ABCA12: variants seen among roughly 807,000 people sequenced by gnomAD.
The protein encoded by ABCA12 is glucosylceramide transporter ABCA12.
In ABCA12, 156 loss-of-function variants were observed where a neutral mutation model predicts 293.5. The ratio of observed to expected loss-of-function variants is 0.53; its 90% CI spans 0.47 to 0.61. The LOEUF is 0.61. Among genes scored for constraint, ABCA12 ranks in the 20% least tolerant of loss-of-function variants. The pLI, the probability that ABCA12 is intolerant of heterozygous loss-of-function variation, is 0.00. For missense variants in ABCA12, 2,797 were observed against 3,090.2 expected, an observed-to-expected ratio of 0.91 and a Z score of 2.25; for synonymous variants, 1,063 against 1,108.0, an observed-to-expected ratio of 0.96 and a Z score of 0.81.
chr2:215,137,562 A>G (rs547733546), intron 1 of ABCA12, among the ~76,000 whole-genome samples: 2 of 152,334 alleles, frequency 1.3e-5, no homozygotes, highest in East Asian at 1.9e-4. Context: ...TAGTAAAGCT[A>G]AGTGATTCAA....
At chr2:215,049,055 C>G (rs1701263903) in intron 6 of ABCA12, among the ~76,000 whole-genome samples, 2 of 152,142 alleles carry the variant, frequency 1.3e-5, no homozygotes, top group Admixed American at 6.6e-5. Context: ...CTACTGAGTA[C>G]TAGGCTTAGT....
intron 8 of ABCA12, chr2:215,035,881 C>T (rs913507775): frequency 6.6e-6 from 1 of 151,894 alleles, no homozygotes; most frequent in African/African-American, 2.4e-5. Flanking sequence ...TATTACTTTA[C>T]TTTATATTAA....
At chr2:215,075,558 A>AG in intron 2 of ABCA12, 1 of 699,106 alleles carries the variant, frequency 1.4e-6, no homozygotes. Context: ...TCATTTATGC[A>AG]GGAAAAAAAA....
intron 23 of ABCA12, among the ~76,000 whole-genome samples, chr2:214,996,318 T>TTG (rs1700031439): frequency 6.6e-6 from 1 of 152,200 alleles, no homozygotes; most frequent in Non-Finnish European, 1.5e-5. Context: ...GCATATACAT[T>TTG]TGTATATATA....
At chr2:215,114,839 G>A (rs1012998522) in intron 1 of ABCA12, among the ~76,000 whole-genome samples, 10 of 152,148 alleles carry the variant, frequency 6.6e-5, no homozygotes, top group African/African-American at 2.4e-4. Context: ...TCATAGTTAT[G>A]AAAGTATTCA....
chr2:215,063,483 G>T (rs1201531270), intron 3 of ABCA12, among the ~76,000 whole-genome samples: 1 of 151,946 alleles, frequency 6.6e-6, no homozygotes, highest in African/African-American at 2.4e-5. Flanking sequence ...AAATGGTCAG[G>T]TTGTTAATGG....
intron 1 of ABCA12, among the ~76,000 whole-genome samples, chr2:215,134,917 T>C (rs1304960204): frequency 6.6e-6 from 1 of 152,002 alleles, no homozygotes; most frequent in South Asian, 2.1e-4. Context: ...CAAAGGATTA[T>C]AGGCATAAGC....
rs1029443762 is a variant in ABCA12, at chr2:215,135,831, C to T, written c.69+2309G>A. ...TCTTCCTTTTTAAGTGTAATGCCAT[C>T]GCACATATATCCTTCCCACACGTGT... On this transcript the variant is annotated intron_variant, in intron 1 of 52. Coordinates refer to ENST00000272895, the MANE Select transcript of ABCA12 (RefSeq NM_173076.3). Among the ~76,000 whole-genome samples the T allele has an allele frequency of 6.6e-5, 10 of 152,204 alleles. 1 individual carries two copies. Among genetic ancestry groups the T allele is most frequent in the East Asian group, 3.9e-4 (2 of 5,172 alleles).
chr2:215,109,410 A>G (rs1702525397), intron 2 of ABCA12, among the ~76,000 whole-genome samples: 1 of 152,144 alleles, frequency 6.6e-6, no homozygotes, highest in Admixed American at 6.5e-5. Flanking sequence ...GGTCACTTCT[A>G]CTTGTAATAA....
rs775563232 is a variant in ABCA12 at position 214,970,360 on chromosome 2, GTTC to G, written c.5600_5602del (p.Arg1867del). Reference sequence around the variant, plus strand: ...GTTATAAATTACCTGGGATGAGTAAGTTCTTCTGTGCGGTGGGGAATAGTTAAA... The same window carrying G: ...GTTATAAATTACCTGGGATGAGTAAGTTCTGTGCGGTGGGGAATAGTTAAA... On this transcript the variant is annotated inframe_deletion, in exon 37 of 53. Coordinates refer to ENST00000272895, the MANE Select transcript of ABCA12 (RefSeq NM_173076.3). 18 of 1,613,218 alleles carry G rather than the reference GTTC, an allele frequency of 1.1e-5. No individual in the cohort carries two copies. In the South Asian group the frequency reaches 1.5e-4, roughly 14 times the overall value.
chr2:215,062,336 G>A (rs1317611656), intron 3 of ABCA12, among the ~76,000 whole-genome samples: 2 of 151,934 alleles, frequency 1.3e-5, no homozygotes, highest in South Asian at 2.1e-4. Context: ...TATACAAGAG[G>A]GAATAGACAC....
Position 215,010,319 on chromosome 2 carries a change from T to C in ABCA12, c.2472+12A>G. The C allele has an allele frequency of 6.2e-7, 1 of 1,613,530 alleles. No homozygotes were observed. The highest frequency in any genetic ancestry group is 8.5e-7 in the Non-Finnish European group (1 of 1,179,534). ...AATAGTCAAAATAGAAACTGAGTTATAATGGTCAAACCTTTTCCATTATTG... is the reference window on the plus strand; with the variant it reads ...AATAGTCAAAATAGAAACTGAGTTACAATGGTCAAACCTTTTCCATTATTG... On this transcript the variant is annotated intron_variant, in intron 18 of 52. Coordinates refer to ENST00000272895, the MANE Select transcript of ABCA12 (RefSeq NM_173076.3).
chr2:214,982,930 T>C (rs1002376313), intron 29 of ABCA12, among the ~76,000 whole-genome samples: 2 of 152,168 alleles, frequency 1.3e-5, no homozygotes, highest in African/African-American at 2.4e-5. Context: ...GCATCAATTT[T>C]ATATATGGTA....
intron 26 of ABCA12, among the ~76,000 whole-genome samples, chr2:214,988,967 T>C (rs947939924): frequency 6.6e-6 from 1 of 150,966 alleles, no homozygotes; most frequent in African/African-American, 2.4e-5. Flanking sequence ...TGACTTGAGA[T>C]CAGAAGCTCG....
chr2:215,103,442 G>A (rs1426529801), intron 2 of ABCA12, among the ~76,000 whole-genome samples: 1 of 151,614 alleles, frequency 6.6e-6, no homozygotes, highest in Non-Finnish European at 1.5e-5. Context: ...CTAATTTTTT[G>A]TATTTTTAGT....
intron 15 of ABCA12, 141 bp from the exon 16 acceptor site, chr2:215,012,276 T>C (rs1246580427): frequency 2.8e-6 from 2 of 715,788 alleles, no homozygotes; most frequent in African/African-American, 3.6e-5. Context: ...AATTTAACAC[T>C]CAACCTGACA....
At chr2:215,036,454 C>T (rs1220132655) in intron 8 of ABCA12, among the ~76,000 whole-genome samples, 4 of 152,132 alleles carry the variant, frequency 2.6e-5, no homozygotes, top group Admixed American at 2.6e-4. Flanking sequence ...AAACCTTTGT[C>T]TGTATGTGTC....
intron 23 of ABCA12, 50 bp downstream of exon 23, chr2:214,997,645 T>C (rs1467444650): frequency 3.0e-6 from 4 of 1,322,884 alleles, no homozygotes; most frequent in South Asian, 1.2e-5. Context: ...ATCATAGTAA[T>C]TGTTCTATGA....
At chr2:214,966,659 TG>T (rs1232589071) in intron 39 of ABCA12, among the ~76,000 whole-genome samples, 188 bp downstream of exon 39, 6 of 152,152 alleles carry the variant, frequency 3.9e-5, no homozygotes, top group Non-Finnish European at 5.9e-5. Flanking sequence ...TAAATTGACC[TG>T]AAGTTAAGAG....
Sources: allele counts gnomAD v4.1 joint callset (sites outside exome capture counted in the v4.1 genomes callset), GRCh38; gene constraint gnomAD v4.1.1; transcripts MANE v1.5; gene names NCBI Gene and HGNC (gene_info 2026-07-23, HGNC 2026-07-21).